The following OSCP1 variants were observed in gnomAD, a reference collection of about 807,000 sequenced individuals.
OSCP1 encodes protein OSCP1.
In OSCP1, 35 loss-of-function variants were observed where a neutral mutation model predicts 45.1. The ratio of observed to expected loss-of-function variants is 0.78; its 90% CI spans 0.59 to 1.03. The LOEUF is 1.03. Ranked by LOEUF, OSCP1 falls within the 50% of genes least tolerant of loss-of-function variation. The pLI is 0.00. For synonymous variants in OSCP1, 179 were observed against 180.1 expected (o/e 0.99, Z 0.05); for missense variants, 400 against 470.7 (o/e 0.85, Z 1.39).
rs891624992 is a variant in OSCP1, at chr1:36,438,699, C to T, written c.267+57G>A. On this transcript the variant is annotated intron_variant, in intron 2 of 9. Coordinates refer to ENST00000235532, the MANE Select transcript of OSCP1 (RefSeq NM_145047.5). ...ATCTCATGTGACCCCAGTCTATGAT[C>T]ATCCACAAAAGGTACAAAAAATGCA... The T allele has an allele frequency of 3.9e-6, 6 of 1,548,866 alleles. No homozygotes were observed. The Admixed American group carries it at 1.2e-4, about 30-fold the overall frequency.
intron 8 of OSCP1, 75 bp downstream of exon 8, chr1:36,420,401 T>C: frequency 4.0e-6 from 6 of 1,510,400 alleles, no homozygotes; most frequent in Non-Finnish European, 3.6e-6. Context: ...TGCCACTGGT[T>C]TGTAATAGTC....
chr1:36,440,936 G>A (rs539833146), intron 1 of OSCP1: 1 of 152,274 alleles, frequency 6.6e-6, no homozygotes, highest in African/African-American at 2.4e-5. Context: ...CATTTCTCTG[G>A]GGTCTTTGAG....
At chr1:36,422,082 C>T (rs1647650411) in intron 7 of OSCP1, 68 bp downstream of exon 7, 3 of 1,468,588 alleles carry the variant, frequency 2.0e-6, no homozygotes, top group Middle Eastern at 1.7e-4. Flanking sequence ...GCGTTCTCAC[C>T]TCTCTTTATG....
At position 36,417,972 on chromosome 1, in the gene OSCP1, G is replaced by A; in HGVS notation, c.*167C>T. ...TATGTGTGTGCCTTCAAGAGTGAGT[G>A]CTCCTCAAGGGAGACTCACACAGTT... On this transcript the variant is annotated 3_prime_UTR_variant, in exon 10 of 10. Coordinates refer to ENST00000235532, the MANE Select transcript of OSCP1 (RefSeq NM_145047.5). 3 of 553,298 alleles carry A rather than the reference G, an allele frequency of 5.4e-6. No individual in the cohort carries two copies. In the South Asian group the frequency reaches 7.3e-5, roughly 14 times the overall value. The allele number at this position is 553,298 out of a possible 1,614,324, so 34.3% of individuals were successfully genotyped here. A position where few individuals can be genotyped will look rare whatever the true frequency, so the allele number is the denominator to read the frequency against.
intron 2 of OSCP1, among the ~76,000 whole-genome samples, chr1:36,434,749 CAAAAA>C (rs71053933): frequency 4.3e-5 from 3 of 69,864 alleles, no homozygotes; most frequent in South Asian, 5.5e-4. Flanking sequence ...GACTTTGTCT[CAAAAA>C]AAAAAAAAAA....
At chr1:36,424,958 A>C (rs955966209) in intron 4 of OSCP1, among the ~76,000 whole-genome samples, 2 of 152,054 alleles carry the variant, frequency 1.3e-5, no homozygotes, top group African/African-American at 4.8e-5. Context: ...GGATCACCTG[A>C]GGTCAGGAGT....
intron 4 of OSCP1, among the ~76,000 whole-genome samples, chr1:36,425,694 C>T (rs1021259722): frequency 1.3e-5 from 2 of 149,372 alleles, no homozygotes; most frequent in Non-Finnish European, 3.0e-5. Context: ...GACCTTGTCA[C>T]TGTATTCCAG....
chr1:36,423,427 C>T lies in OSCP1; in HGVS notation c.556G>A (p.Gly186Ser), dbSNP rs138506112. Residue 186 changes from glycine to serine, a missense_variant, in exon 5 of 10, where the codon GGT becomes AGT. Transcript: ENST00000235532. ...CCGGACACCGGCAACACAAAGCGAC[C>T]GTTATTATTCTGAACTTTGTCCTTT... ...FLKDKVQNNNGRFVLPVSGPV... is the reference protein window; with the variant it reads ...FLKDKVQNNNSRFVLPVSGPV... The T allele has an allele frequency of 5.6e-6, 9 of 1,613,126 alleles. No homozygotes were observed. The highest frequency in any genetic ancestry group is 4.5e-5 in the East Asian group (2 of 44,870).
At chr1:36,440,950 T>A (rs1649099608) in intron 1 of OSCP1, 1 of 152,230 alleles carries the variant, frequency 6.6e-6, no homozygotes, top group Non-Finnish European at 1.5e-5. Flanking sequence ...CTTTGAGCCC[T>A]TATTAGGAGC....
intron 3 of OSCP1, 89 bp downstream of exon 3, chr1:36,432,333 G>A (rs1362368114): frequency 7.6e-6 from 11 of 1,444,244 alleles, no homozygotes; most frequent in Non-Finnish European, 1.0e-5. Flanking sequence ...TCCTCATCCT[G>A]TTCTCTCTGT....
chr1:36,422,431 T>C (rs765702509), intron 6 of OSCP1, among the ~76,000 whole-genome samples: 1 of 152,202 alleles, frequency 6.6e-6, no homozygotes, highest in Non-Finnish European at 1.5e-5. Flanking sequence ...TGGCAATGCC[T>C]CCTCTTGTGA....
chr1:36,420,887 C>A (rs1476028888), intron 7 of OSCP1, among the ~76,000 whole-genome samples: 1 of 152,138 alleles, frequency 6.6e-6, no homozygotes, highest in African/African-American at 2.4e-5. Flanking sequence ...CTCTCACTAC[C>A]TTCCTCCTTG....
In OSCP1 at chr1:36,450,332, A is replaced by C; in HGVS notation, c.38T>G (p.Leu13Trp). The change falls in exon 1 of 10, where the codon TTG (leucine) becomes TGG (tryptophan). Residue 13 changes from leucine to tryptophan, a missense_variant. By Grantham distance (61) the Leu-to-Trp change is moderately conservative. Transcript: ENST00000235532. ...VRTLPLLFLN[L>W]GGEMLYILDQ... ...GAGGATGTAAAGCATCTCCCCGCCC[A>C]AGTTCAAGAAGAGCAGCGGTAGCGT... is the stretch of plus-strand genomic sequence containing the variant. 1 of 1,613,848 alleles carries C rather than the reference A, an allele frequency of 6.2e-7. No homozygotes were observed. The highest frequency in any genetic ancestry group is 8.5e-7 in the Non-Finnish European group (1 of 1,179,894).
At chr1:36,439,880 A>G (rs753555309) in intron 1 of OSCP1, among the ~76,000 whole-genome samples, 38 of 152,230 alleles carry the variant, frequency 2.5e-4, no homozygotes, top group Admixed American at 1.8e-3. Context: ...ATTTTGCACT[A>G]CTGAAATGAA....
intron 1 of OSCP1, among the ~76,000 whole-genome samples, chr1:36,442,440 T>C (rs1238558410): frequency 2.6e-5 from 4 of 152,198 alleles, no homozygotes; most frequent in Non-Finnish European, 5.9e-5. Flanking sequence ...CCACACTTCA[T>C]ACCTGAAATT....
At chr1:36,429,354 C>G (rs1648191999) in intron 4 of OSCP1, among the ~76,000 whole-genome samples, 1 of 151,144 alleles carries the variant, frequency 6.6e-6, no homozygotes, top group African/African-American at 2.4e-5. Context: ...CCACCATACT[C>G]CAGTCTGGGC....
At chr1:36,424,028 C>T (rs541838323) in intron 4 of OSCP1, among the ~76,000 whole-genome samples, 6 of 152,214 alleles carry the variant, frequency 3.9e-5, no homozygotes, top group Non-Finnish European at 8.8e-5. Flanking sequence ...TCACTGCCAC[C>T]TCAGCCCCGC....
chr1:36,433,825 A>C (rs1391951893), intron 2 of OSCP1, among the ~76,000 whole-genome samples: 1 of 152,076 alleles, frequency 6.6e-6, no homozygotes, highest in Non-Finnish European at 1.5e-5. Flanking sequence ...AGTTAGGGGG[A>C]GTAGCTAGCA....
At chr1:36,436,270 A>T (rs1413490685) in intron 2 of OSCP1, among the ~76,000 whole-genome samples, 1 of 142,550 alleles carries the variant, frequency 7.0e-6, no homozygotes, top group East Asian at 2.0e-4. Context: ...CACCGGGCTA[A>T]TTTTTTTTTT....
Sources: gnomAD v4.1 joint callset for allele counts (sites outside exome capture counted in the v4.1 genomes callset) on GRCh38, gnomAD v4.1.1 for gene constraint, MANE v1.5 for transcripts, NCBI Gene and HGNC (gene_info 2026-07-23, HGNC 2026-07-21) for gene names.